The following RBSN variants were observed in gnomAD, a reference collection of about 807,000 sequenced individuals.
The protein encoded by RBSN is rabenosyn, RAB effector, also known as rabenosyn-5.
In RBSN, 34 loss-of-function variants were observed where a neutral mutation model predicts 60.5. The observed-to-expected ratio is 0.56, with a 90% CI of 0.43 to 0.75. The LOEUF (loss-of-function observed/expected upper bound fraction) is 0.75. Among genes scored for constraint, RBSN ranks in the 30% least tolerant of loss-of-function variants. RBSN has a pLI of 0.00. For synonymous variants in RBSN, 322 were observed against 366.9 expected (o/e 0.88, Z 1.40); for missense variants, 845 against 986.8 (o/e 0.86, Z 1.92).
At chr3:15,076,476 A>G in intron 12 of RBSN, among the ~76,000 whole-genome samples, 1 of 152,328 alleles carries the variant, frequency 6.6e-6, no homozygotes, top group Non-Finnish European at 1.5e-5. Flanking sequence ...TTTAATTTAA[A>G]AAAAAAGAAA....
chr3:15,074,202 A>G lies in RBSN; in HGVS notation c.1935T>C (p.Pro645=). ...SPMEEATTGP[P]AAGVSLDPSA... is the part of the protein sequence containing the mutation. The stretch of plus-strand genomic sequence containing the variant: ...AAGGGTCTAAGGAAACCCCTGCAGC[A>G]GGAGGACCAGTAGTGGCCTCTTCCA... Residue 645 remains proline (P), a synonymous_variant, in exon 14 of 14, where the codon CCT becomes CCC. Transcript: ENST00000253699. The surrounding 1 kb of genome is among the most constrained non-coding windows in gnomAD (Gnocchi z 6.4). 2 of 1,610,398 alleles carry G rather than the reference A, an allele frequency of 1.2e-6. No homozygotes were observed. The highest frequency in any genetic ancestry group is 1.7e-6 in the Non-Finnish European group (2 of 1,177,838).
At position 15,070,645 on chromosome 3, in the gene RBSN, A is replaced by G. The variant is rs967735622; in HGVS notation, c.*3137T>C. ...TCTGTAACTCCAACTTTGTGCCTGC[A>G]TGAATTCTGCGACATGGTACAGCTG... On this transcript the variant is annotated 3_prime_UTR_variant, in exon 14 of 14. Coordinates refer to ENST00000253699, the MANE Select transcript of RBSN (RefSeq NM_022340.4). 6.5e-6 allele frequency: 1 copy of G among 152,688 alleles called. No individual in the cohort carries two copies. The highest frequency in any genetic ancestry group is 1.5e-5 in the Non-Finnish European group (1 of 68,060). The allele number at this position is 152,688 out of a possible 1,614,324, so 9.5% of individuals were successfully genotyped here. A position where few individuals can be genotyped will look rare whatever the true frequency, so the allele number is the denominator to read the frequency against.
chr3:15,091,625 G>A (rs2043518519), intron 4 of RBSN: 1 of 520,532 alleles, frequency 1.9e-6, no homozygotes, highest in Non-Finnish European at 2.8e-6. Flanking sequence ...TGCTTACAAT[G>A]TTATAAGGCA....
At chr3:15,083,346 C>T (rs1388279195) in intron 8 of RBSN, among the ~76,000 whole-genome samples, 1 of 152,094 alleles carries the variant, frequency 6.6e-6, no homozygotes, top group Non-Finnish European at 1.5e-5. Context: ...TGTTTTTGTC[C>T]CCACATTATC....
intron 4 of RBSN, among the ~76,000 whole-genome samples, chr3:15,095,417 C>A (rs754303827): frequency 1.3e-5 from 2 of 152,198 alleles, no homozygotes; most frequent in African/African-American, 4.8e-5. Context: ...AAAATTCTTT[C>A]CACAACTCTC....
At chr3:15,093,445 C>T (rs2043569989) in intron 4 of RBSN, among the ~76,000 whole-genome samples, 1 of 152,178 alleles carries the variant, frequency 6.6e-6, no homozygotes, top group Non-Finnish European at 1.5e-5. Flanking sequence ...GACAGTTTCA[C>T]TCTGTTGCTC....
chr3:15,086,219 C>A (rs1194406312), intron 5 of RBSN: 2 of 350,844 alleles, frequency 5.7e-6, no homozygotes, highest in Non-Finnish European at 1.0e-5. Context: ...GCTATGATCC[C>A]ACCACTGTAC....
intron 13 of RBSN, 120 bp downstream of exon 13, chr3:15,075,486 T>C: frequency 1.2e-6 from 1 of 820,816 alleles, no homozygotes; most frequent in East Asian, 2.5e-5. Context: ...AGAAGAAATA[T>C]GCACATTTGA....
At chr3:15,088,699 G>A (rs1018685458) in intron 5 of RBSN, among the ~76,000 whole-genome samples, 7 of 152,070 alleles carry the variant, frequency 4.6e-5, no homozygotes, top group African/African-American at 7.2e-5. Flanking sequence ...TATTTTTAAA[G>A]CAATTTTCTC....
chr3:15,075,509 G>A, intron 13 of RBSN, 97 bp downstream of exon 13: 2 of 941,266 alleles, frequency 2.1e-6, no homozygotes, highest in Non-Finnish European at 3.5e-6. Context: ...GAGAGGTTCT[G>A]ATTCACTACA....
At chr3:15,086,091 C>CA (rs60131546) in intron 5 of RBSN, 130 bp from the exon 6 acceptor site, 23,193 of 93,354 alleles carry the variant, frequency 0.25, 2,556 homozygotes, top group African/African-American at 0.28. Context: ...CGTCTCTCTC[C>CA]AAAAAAAAAA....
chr3:15,083,019 T>C (rs968760164), intron 8 of RBSN, among the ~76,000 whole-genome samples: 4 of 152,192 alleles, frequency 2.6e-5, no homozygotes, highest in African/African-American at 4.8e-5. Flanking sequence ...TCCCACCACA[T>C]TGCCCATTTT....
intron 6 of RBSN, 34 bp downstream of exon 6, chr3:15,085,827 G>A (rs761542233): frequency 8.5e-6 from 13 of 1,529,006 alleles, no homozygotes; most frequent in East Asian, 2.3e-5. Context: ...ATGTGTATTT[G>A]TAGAAAAAAA....
At chr3:15,089,849 C>T (rs1269400811) in intron 5 of RBSN, among the ~76,000 whole-genome samples, 3 of 152,156 alleles carry the variant, frequency 2.0e-5, no homozygotes, top group South Asian at 2.1e-4. Context: ...CTGCCCGCCT[C>T]GGCCTCCCAA....
intron 9 of RBSN, chr3:15,081,702 C>T (rs1042622563): frequency 1.3e-5 from 2 of 153,322 alleles, no homozygotes; most frequent in African/African-American, 4.8e-5. Context: ...CTTCCTCTGC[C>T]TGGGCTGATC....
intron 4 of RBSN, among the ~76,000 whole-genome samples, chr3:15,091,767 C>G (rs1268397192): frequency 6.6e-6 from 1 of 152,190 alleles, no homozygotes; most frequent in Admixed American, 6.5e-5. Flanking sequence ...AATGAGAGCT[C>G]CAGCTCTCCC....
At position 15,082,429 on chromosome 3, in the gene RBSN, G is replaced by C; in HGVS notation, c.778C>G (p.Leu260Val). The C allele has an allele frequency of 6.2e-7, 1 of 1,614,178 alleles. No individual in the cohort carries two copies. Among genetic ancestry groups the C allele is most frequent in the South Asian group, 1.1e-5 (1 of 91,084 alleles). ...RCCTHCKDTL[L>V]KREQQIDEKE... Reference sequence around the variant, plus strand: ...TCATCAATCTGCTGCTCTCTCTTGAGCAGCGTGTCCTTGCAGTGTGTACAG... The same window carrying C: ...TCATCAATCTGCTGCTCTCTCTTGACCAGCGTGTCCTTGCAGTGTGTACAG... Residue 260 changes from leucine (L) to valine (V), a missense_variant, in exon 9 of 14, where the codon CTC becomes GTC. Physicochemically the swap from Leu to Val is conservative, Grantham distance 32. Coordinates refer to ENST00000253699, the MANE Select transcript of RBSN (RefSeq NM_022340.4). The surrounding 1 kb of genome is among the most constrained non-coding windows in gnomAD (Gnocchi z 4.2).
Position 15,090,484 on chromosome 3 carries a change from A to G in RBSN, c.204T>C (p.Asp68=), listed in dbSNP as rs1406422636. The change falls in exon 5 of 14, where the codon GAT becomes GAC. Residue 68 remains aspartate (D), a synonymous_variant. Coordinates refer to ENST00000253699, the MANE Select transcript of RBSN (RefSeq NM_022340.4). ...AKDRLLKREG[D]DRAESGTQGY... ...CTTGGGTCCCTGACTCTGCTCGATC[A>G]TCCCCTTCTCGTTTCAACAACCTGT... The G allele has an allele frequency of 2.2e-5, 35 of 1,614,098 alleles. No individual in the cohort carries two copies. Among genetic ancestry groups the G allele is most frequent in the African/African-American group, 4.0e-5 (3 of 74,922 alleles).
At chr3:15,075,172 C>G (rs1433978743) in intron 13 of RBSN, 2 of 596,746 alleles carry the variant, frequency 3.4e-6, no homozygotes, top group Non-Finnish European at 5.9e-6. Context: ...TTTTCTCAAT[C>G]TTAGATTCAC....
Sources: allele counts gnomAD v4.1 joint callset (sites outside exome capture counted in the v4.1 genomes callset), GRCh38; gene constraint gnomAD v4.1.1; non-coding constraint Gnocchi (gnomAD v3.1); transcripts MANE v1.5; gene names NCBI Gene and HGNC (gene_info 2026-07-23, HGNC 2026-07-21).